FRMD5: variants seen among roughly 807,000 people sequenced by gnomAD.
FRMD5 encodes the protein FERM domain containing 5, also known as FERM domain-containing protein 5.
In FRMD5, 20 loss-of-function variants were observed where a neutral mutation model predicts 69.0. That is an observed-to-expected ratio of 0.29 (90% CI 0.20 to 0.42). The LOEUF (loss-of-function observed/expected upper bound fraction) is 0.42. Among genes scored for constraint, FRMD5 ranks in the 10% least tolerant of loss-of-function variants. The pLI, the probability that FRMD5 is intolerant of heterozygous loss-of-function variation, is 1.00. For missense variants in FRMD5, 595 were observed against 708.6 expected (o/e 0.84, Z 1.82); for synonymous variants, 271 against 260.1 (o/e 1.04, Z -0.40).
chr15:44,009,066 G>A (rs1464868334), intron 1 of FRMD5, among the ~76,000 whole-genome samples: 2 of 152,140 alleles, frequency 1.3e-5, no homozygotes, highest in South Asian at 2.1e-4. Context: ...GCTTCCCGAC[G>A]ACAGGAACCA....
intron 1 of FRMD5, among the ~76,000 whole-genome samples, chr15:44,156,021 G>T (rs1352574375): frequency 6.6e-6 from 1 of 152,142 alleles, no homozygotes; most frequent in Admixed American, 6.5e-5. Flanking sequence ...ACAGCACAGT[G>T]TCACAAAAGT....
intron 1 of FRMD5, among the ~76,000 whole-genome samples, chr15:43,968,181 AATCTT>A (rs1186541628): frequency 3.3e-5 from 5 of 152,158 alleles, no homozygotes; most frequent in African/African-American, 1.2e-4. Flanking sequence ...ACTCACAACT[AATCTT>A]ATCTTTATCT....
At chr15:44,088,803 G>C (rs1894310338) in intron 1 of FRMD5, among the ~76,000 whole-genome samples, 1 of 152,172 alleles carries the variant, frequency 6.6e-6, no homozygotes, top group Non-Finnish European at 1.5e-5. Context: ...CTGAGATTTA[G>C]AAAGGTTAAC....
intron 1 of FRMD5, among the ~76,000 whole-genome samples, chr15:44,039,071 T>A (rs1892065920): frequency 1.3e-5 from 2 of 152,156 alleles, no homozygotes; most frequent in Admixed American, 6.5e-5. Flanking sequence ...AAGCCTCTCG[T>A]AAGTCTGAAC....
chr15:44,156,071 A>G (rs1021139888), intron 1 of FRMD5, among the ~76,000 whole-genome samples: 2 of 152,234 alleles, frequency 1.3e-5, no homozygotes, highest in Admixed American at 6.5e-5. Flanking sequence ...AAGTGTATTG[A>G]AAAAGACTAA....
intron 4 of FRMD5, among the ~76,000 whole-genome samples, chr15:43,915,265 C>T (rs1279025143): frequency 6.6e-6 from 1 of 152,214 alleles, no homozygotes; most frequent in Non-Finnish European, 1.5e-5. Flanking sequence ...TGCTTTCACA[C>T]TACAATGACA....
Position 43,875,804 on chromosome 15 carries a change from GTTTT to G in FRMD5, c.1136-1346_1136-1343del, listed in dbSNP as rs34063043. The G allele has an allele frequency of 4.1e-3, 856 of 210,626 alleles. 13 individuals are homozygous for G. The highest frequency in any genetic ancestry group is 0.037 in the African/African-American group (769 of 20,974). 13.0% of individuals were successfully genotyped at this position (210,626 alleles called of 1,614,324 possible). On this transcript the variant is annotated intron_variant, in intron 13 of 13. Coordinates refer to ENST00000417257, the MANE Select transcript of FRMD5 (RefSeq NM_032892.5). ...TCTTGCCTTTGGTGTCCTGGGCCTA[GTTTT>G]TTTTTTTTTTTTTTTTTTTCTTTCA... is the stretch of plus-strand genomic sequence containing the variant.
intron 1 of FRMD5, among the ~76,000 whole-genome samples, chr15:44,176,227 T>C (rs2077891976): frequency 6.6e-6 from 1 of 152,178 alleles, no homozygotes; most frequent in Non-Finnish European, 1.5e-5. Flanking sequence ...AATAAACCCA[T>C]ATATTTATGG....
chr15:44,172,182 C>A (rs2077816107), intron 1 of FRMD5, among the ~76,000 whole-genome samples: 1 of 152,016 alleles, frequency 6.6e-6, no homozygotes, highest in Admixed American at 6.5e-5. Flanking sequence ...CCTCGACCTC[C>A]TGGGCTCAAG....
chr15:43,901,655 TGTGCATGAGTAATTACAGAG>T (rs2089049042), intron 7 of FRMD5, among the ~76,000 whole-genome samples: 1 of 152,208 alleles, frequency 6.6e-6, no homozygotes, highest in Admixed American at 6.5e-5. Context: ...AAATGCCAGA[TGTGCATGAGTAATTACAGAG>T]GTTTTCTCTG....
chr15:44,171,816 C>G (rs1390932401), intron 1 of FRMD5, among the ~76,000 whole-genome samples: 1 of 152,128 alleles, frequency 6.6e-6, no homozygotes, highest in Non-Finnish European at 1.5e-5. Context: ...CAGGCTGGAG[C>G]ACAGCGGCGT....
intron 1 of FRMD5, among the ~76,000 whole-genome samples, chr15:44,071,374 C>A (rs981938986): frequency 6.6e-6 from 1 of 152,112 alleles, no homozygotes; most frequent in African/African-American, 2.4e-5. Context: ...ATGCAGTGAG[C>A]CATGATGGTG....
chr15:43,940,570 A>T (rs936559892), intron 1 of FRMD5, among the ~76,000 whole-genome samples: 16 of 152,200 alleles, frequency 1.1e-4, no homozygotes, highest in Non-Finnish European at 2.1e-4. Flanking sequence ...CCTTGGTACA[A>T]GGACGTCGGT....
At chr15:44,002,597 A>G (rs1441148379) in intron 1 of FRMD5, among the ~76,000 whole-genome samples, 1 of 152,034 alleles carries the variant, frequency 6.6e-6, no homozygotes, top group East Asian at 1.9e-4. Context: ...TGATCAATTG[A>G]GCAAGCAGGG....
chr15:43,978,668 CA>C (rs1269442736), intron 1 of FRMD5, among the ~76,000 whole-genome samples: 1 of 152,160 alleles, frequency 6.6e-6, no homozygotes, highest in African/African-American at 2.4e-5. Flanking sequence ...TCTCCTGCCT[CA>C]GCCTCCCAAG....
intron 1 of FRMD5, among the ~76,000 whole-genome samples, chr15:44,106,200 C>T (rs548381893): frequency 6.6e-6 from 1 of 152,022 alleles, no homozygotes; most frequent in Non-Finnish European, 1.5e-5. Flanking sequence ...GGGTCTGATA[C>T]CCAATAATTA....
chr15:44,169,855 C>T (rs2077770401), intron 1 of FRMD5, among the ~76,000 whole-genome samples: 1 of 152,046 alleles, frequency 6.6e-6, no homozygotes, highest in Non-Finnish European at 1.5e-5. Flanking sequence ...TACTGAAACT[C>T]CTTTCCATGT....
At chr15:44,153,681 G>A (rs1212387308) in intron 1 of FRMD5, among the ~76,000 whole-genome samples, 1 of 152,192 alleles carries the variant, frequency 6.6e-6, no homozygotes, top group Non-Finnish European at 1.5e-5. Context: ...ATTTTAAAAT[G>A]GTTAAGGCCG....
At chr15:43,895,343 CAG>C (rs1357409905) in intron 7 of FRMD5, among the ~76,000 whole-genome samples, 3 of 152,170 alleles carry the variant, frequency 2.0e-5, no homozygotes, top group African/African-American at 4.8e-5. Context: ...ATGACACAGT[CAG>C]AGATCCGCCA....
Sources: gnomAD v4.1 joint callset for allele counts (sites outside exome capture counted in the v4.1 genomes callset) on GRCh38, gnomAD v4.1.1 for gene constraint, MANE v1.5 for transcripts, NCBI Gene and HGNC (gene_info 2026-07-23, HGNC 2026-07-21) for gene names.